Variants in SCN8A observed in about 807,000 individuals in gnomAD.
The protein encoded by SCN8A is sodium channel protein type 8 subunit alpha.
A neutral mutation model predicts 184.1 loss-of-function variants in SCN8A; 30 were observed. The ratio of observed to expected loss-of-function variants is 0.16; its 90% CI spans 0.12 to 0.22. SCN8A has a LOEUF of 0.22. Among genes scored for constraint, SCN8A ranks in the 10% least tolerant of loss-of-function variants. The probability of loss-of-function intolerance (pLI) is 1.00; values close to 1 mark genes in which losing one functional copy is unlikely to be tolerated. For missense variants in SCN8A, 1,057 were observed against 2,498.9 expected (o/e 0.42, Z 12.30); for synonymous variants, 852 against 907.0 (o/e 0.94, Z 1.09).
At chr12:51,758,920 CAGAT>C (rs946540012) in intron 14 of SCN8A, among the ~76,000 whole-genome samples, 5 of 151,926 alleles carry the variant, frequency 3.3e-5, no homozygotes, top group African/African-American at 1.2e-4. Context: ...CCTGAAACCT[CAGAT>C]AGTACCAAGC....
chr12:51,766,311 T>C, intron 16 of SCN8A: 2 of 480,274 alleles, frequency 4.2e-6, no homozygotes, highest in South Asian at 2.4e-5. Flanking sequence ...ATATAGGGCT[T>C]GTATTTGAAC....
intron 2 of SCN8A, among the ~76,000 whole-genome samples, chr12:51,663,965 A>G (rs1940977984): frequency 8.1e-6 from 1 of 122,744 alleles, no homozygotes; most frequent in African/African-American, 3.1e-5. Context: ...GCTGGAGTGC[A>G]GTGGCGTGAT....
chr12:51,646,367 A>G (rs983133195), intron 1 of SCN8A, among the ~76,000 whole-genome samples: 3 of 152,260 alleles, frequency 2.0e-5, no homozygotes, highest in African/African-American at 7.2e-5. Flanking sequence ...AGAAGCAGCC[A>G]CAGACAATAC....
chr12:51,655,316 C>G (rs1940800182), intron 1 of SCN8A, among the ~76,000 whole-genome samples: 1 of 151,914 alleles, frequency 6.6e-6, no homozygotes, highest in Admixed American at 6.6e-5. Flanking sequence ...ATGCCGTATC[C>G]CTTAATTTGG....
rs113507937 is a variant in SCN8A at position 51,807,469 on chromosome 12, G to A, written c.*40G>A. 5.9e-5 allele frequency: 91 copies of A among 1,552,834 alleles called. No homozygotes were observed. The highest frequency in any genetic ancestry group is 3.5e-4 in the Middle Eastern group (2 of 5,790). On this transcript the variant is annotated 3_prime_UTR_variant, in exon 27 of 27. Coordinates refer to ENST00000627620, the MANE Select transcript of SCN8A (RefSeq NM_001330260.2). This position sits in a 1 kb window ranked among gnomAD's most constrained non-coding sequence, Gnocchi z 4.5. ...TCAGTATTATACAGATCTAAAACTC[G>A]CAAGTGAAAGATTGTTTACAAACTT...
intron 1 of SCN8A, among the ~76,000 whole-genome samples, chr12:51,594,774 T>G (rs1263781627): frequency 6.6e-6 from 1 of 152,208 alleles, no homozygotes; most frequent in Admixed American, 6.5e-5. Flanking sequence ...ATCTGTGTTT[T>G]ATTATGTTTT....
At chr12:51,657,502 G>A (rs1180053505) in intron 1 of SCN8A, among the ~76,000 whole-genome samples, 1 of 152,034 alleles carries the variant, frequency 6.6e-6, no homozygotes, top group African/African-American at 2.4e-5. Context: ...TGTTGTTTGA[G>A]TTCCTTATAT....
intron 6 of SCN8A, among the ~76,000 whole-genome samples, chr12:51,692,546 A>C (rs1434266811): frequency 6.6e-6 from 1 of 152,228 alleles, no homozygotes. Context: ...AGAACAGTGT[A>C]CACAAGGTCT....
intron 1 of SCN8A, among the ~76,000 whole-genome samples, chr12:51,597,515 G>A (rs1939375315): frequency 6.6e-6 from 1 of 152,090 alleles, no homozygotes; most frequent in South Asian, 2.1e-4. Context: ...CCTCCATTAT[G>A]AGCACTTAAC....
rs116219118 is a variant in SCN8A at position 51,632,281 on chromosome 12, C to T, written c.-54-30483C>T. ...GGGTATATTAATCTTTTTAAAAGCA[C>T]AAATGATTTTTCTGCTAAGTGGGGG... On this transcript the variant is annotated intron_variant, in intron 1 of 26. Coordinates refer to ENST00000627620, the MANE Select transcript of SCN8A (RefSeq NM_001330260.2). Among the ~76,000 whole-genome samples the T allele has an allele frequency of 8.6e-3, 1,314 of 152,250 alleles. 26 individuals are homozygous for T. Among genetic ancestry groups the T allele is most frequent in the African/African-American group, 0.03 (1,230 of 41,540 alleles).
chr12:51,740,752 G>T (rs1942408908), intron 12 of SCN8A, among the ~76,000 whole-genome samples: 3 of 152,174 alleles, frequency 2.0e-5, no homozygotes, highest in African/African-American at 7.2e-5. Flanking sequence ...AGTGCTGAAA[G>T]TGGGGTGTTG....
intron 10 of SCN8A, among the ~76,000 whole-genome samples, chr12:51,706,056 T>G (rs150198070): frequency 6.6e-6 from 1 of 152,334 alleles, no homozygotes; most frequent in African/African-American, 2.4e-5. Context: ...ACCTTAACAC[T>G]TAACTTTCTC....
intron 2 of SCN8A, among the ~76,000 whole-genome samples, chr12:51,683,033 T>C (rs888119463): frequency 9.9e-5 from 15 of 152,240 alleles, no homozygotes; most frequent in African/African-American, 3.4e-4. Flanking sequence ...ATTAGTTACC[T>C]TCCTTTGTGA....
At chr12:51,801,147 C>T (rs557806178) in intron 26 of SCN8A, among the ~76,000 whole-genome samples, 7 of 152,352 alleles carry the variant, frequency 4.6e-5, no homozygotes, top group African/African-American at 1.7e-4. Context: ...GAGCTCTACA[C>T]TAATCAGACT....
intron 26 of SCN8A, among the ~76,000 whole-genome samples, chr12:51,804,766 C>T (rs1307297562): frequency 1.3e-5 from 2 of 152,208 alleles, no homozygotes; most frequent in Admixed American, 1.3e-4. Flanking sequence ...TGAGCCATTG[C>T]GCCCAGCCTG....
chr12:51,800,311 T>C (rs57771757), intron 26 of SCN8A, among the ~76,000 whole-genome samples: 4,157 of 152,292 alleles, frequency 0.027, 179 homozygotes, highest in African/African-American at 0.092. Flanking sequence ...TCGTCACCAC[T>C]TGGTTCAGCT....
At chr12:51,777,459 T>C (rs570230827) in intron 20 of SCN8A, among the ~76,000 whole-genome samples, 1 of 152,212 alleles carries the variant, frequency 6.6e-6, no homozygotes, top group South Asian at 2.1e-4. Flanking sequence ...TCAATTCCTT[T>C]TTTTTGTTGT....
intron 1 of SCN8A, among the ~76,000 whole-genome samples, chr12:51,620,707 A>T (rs1939941486): frequency 6.6e-6 from 1 of 151,978 alleles, no homozygotes; most frequent in Admixed American, 6.6e-5. Context: ...AAAGAAAAAA[A>T]CTATGTGTGG....
At chr12:51,629,224 A>G (rs1338274847) in intron 1 of SCN8A, among the ~76,000 whole-genome samples, 2 of 152,102 alleles carry the variant, frequency 1.3e-5, no homozygotes, top group African/African-American at 4.8e-5. Context: ...GGCAGAGGCT[A>G]TTTTTTCCTG....
Sources: gnomAD v4.1 joint callset for allele counts (sites outside exome capture counted in the v4.1 genomes callset) on GRCh38, gnomAD v4.1.1 for gene constraint, Gnocchi (gnomAD v3.1) non-coding constraint, MANE v1.5 for transcripts, NCBI Gene and HGNC (gene_info 2026-07-23, HGNC 2026-07-21) for gene names.